Variants in IST1 observed in about 807,000 individuals in gnomAD.
IST1 encodes IST1 factor associated with ESCRT-III.
IST1 carries 23 observed loss-of-function variants against 37.0 expected under a neutral mutation model. The ratio of observed to expected loss-of-function variants is 0.62; its 90% confidence interval spans 0.45 to 0.88. The LOEUF is 0.88. Among genes scored for constraint, IST1 ranks in the 40% least tolerant of loss-of-function variants. IST1 has a pLI of 0.00. For missense variants in IST1, 488 were observed against 445.4 expected, an observed-to-expected ratio of 1.10 and a Z score of -0.86; for synonymous variants, 180 against 161.7, an observed-to-expected ratio of 1.11 and a Z score of -0.86.
At chr16:71,917,818 T>C (rs902080187) in intron 4 of IST1, among the ~76,000 whole-genome samples, 1 of 152,232 alleles carries the variant, frequency 6.6e-6, no homozygotes, top group African/African-American at 2.4e-5. Context: ...ATGGTTTGTT[T>C]CATGGCTACA....
chr16:71,915,405 A>G (rs1218684676), intron 1 of IST1, among the ~76,000 whole-genome samples: 3 of 152,210 alleles, frequency 2.0e-5, no homozygotes, highest in Non-Finnish European at 4.4e-5. Context: ...GATGATAATA[A>G]TAGCCTTCCC....
intron 1 of IST1, among the ~76,000 whole-genome samples, chr16:71,899,827 T>C (rs1037034727): frequency 6.6e-6 from 1 of 151,448 alleles, no homozygotes; most frequent in African/African-American, 2.4e-5. Flanking sequence ...ATCGAGACCA[T>C]CCTGGCTAAC....
chr16:71,918,505 C>T lies in IST1; in HGVS notation c.357+1371C>T, dbSNP rs1381260624. ...AATTTTGGCTCACTGCAACCTCTGC[C>T]TCCTGGGTTGAAGCGATTCTTTTGC... On this transcript the variant is annotated intron_variant, in intron 4 of 9. Transcript: ENST00000378799. Among the ~76,000 whole-genome samples the T allele has an allele frequency of 1.3e-5, 2 of 150,768 alleles. 1 individual carries two copies. The highest frequency in any genetic ancestry group is 3.9e-4 in the East Asian group (2 of 5,116).
Position 71,929,367 on chromosome 16 carries a change from T to A in IST1, c.*1554T>A. The A allele has an allele frequency of 1.6e-6, 1 of 618,666 alleles. No homozygotes were observed. Among genetic ancestry groups the A allele is most frequent in the East Asian group, 3.0e-5 (1 of 32,974 alleles). 38.3% of individuals were successfully genotyped at this position (618,666 alleles called of 1,614,324 possible). On this transcript the variant is annotated 3_prime_UTR_variant, in exon 10 of 10. Transcript: ENST00000378799. Reference sequence around the variant, plus strand: ...AGTTTGTCTCGTAGTATTCTTGCATTGTTAATCCTATCTTGACAGTGCCAA... The same window carrying A: ...AGTTTGTCTCGTAGTATTCTTGCATAGTTAATCCTATCTTGACAGTGCCAA...
intron 9 of IST1, among the ~76,000 whole-genome samples, chr16:71,925,977 GGAAGAATACT>G (rs1027455417): frequency 1.8e-4 from 28 of 151,552 alleles, no homozygotes; most frequent in African/African-American, 6.5e-4. Context: ...AAAACCAGAG[GGAAGAATACT>G]TTTAAAATTA....
At chr16:71,912,431 G>T (rs1043362784) in intron 1 of IST1, among the ~76,000 whole-genome samples, 2 of 152,048 alleles carry the variant, frequency 1.3e-5, no homozygotes, top group Non-Finnish European at 2.9e-5. Context: ...TGGAGACGGG[G>T]TTTCACCGTG....
intron 1 of IST1, among the ~76,000 whole-genome samples, chr16:71,897,547 T>C (rs1006428064): frequency 6.6e-6 from 1 of 152,174 alleles, no homozygotes; most frequent in Non-Finnish European, 1.5e-5. Context: ...GTAGTATAGT[T>C]AGTCATTCCA....
chr16:71,916,274 T>C (rs555666416), intron 2 of IST1, among the ~76,000 whole-genome samples, 188 bp from the exon 3 acceptor site: 4 of 152,218 alleles, frequency 2.6e-5, no homozygotes, highest in African/African-American at 4.8e-5. Flanking sequence ...TCAAGCCACA[T>C]GAGCTATATT....
At position 71,905,007 on chromosome 16, in the gene IST1, T is replaced by A. The variant is rs554279555; in HGVS notation, c.-16+9418T>A. ...CATATTTTTAAATTCCATTAAAAAA[T>A]TTTTTTTTTGCTTTTTTTGTGTAGT... On this transcript the variant is annotated intron_variant, in intron 1 of 9. Transcript: ENST00000378799. Among the ~76,000 whole-genome samples, 227 of 150,590 alleles carry A rather than the reference T, an allele frequency of 1.5e-3. 2 individuals are homozygous for A. Among genetic ancestry groups the A allele is most frequent in the South Asian group, 6.3e-3 (30 of 4,780 alleles).
chr16:71,905,058 T>TG (rs1278432899), intron 1 of IST1, among the ~76,000 whole-genome samples: 4 of 152,024 alleles, frequency 2.6e-5, no homozygotes, highest in Non-Finnish European at 2.9e-5. Flanking sequence ...TTTTTTGAGA[T>TG]GGAGTCTCAC....
chr16:71,898,530 A>G (rs1368646102), intron 1 of IST1, among the ~76,000 whole-genome samples: 1 of 151,852 alleles, frequency 6.6e-6, no homozygotes, highest in African/African-American at 2.4e-5. Flanking sequence ...CTGTAAATAC[A>G]AAAATTAGTT....
chr16:71,923,475 A>C (rs1008121503), intron 8 of IST1, 95 bp downstream of exon 8: 5 of 671,474 alleles, frequency 7.4e-6, no homozygotes, highest in Admixed American at 2.6e-5. Context: ...GTTTTGATCA[A>C]CTCCTAGTAC....
chr16:71,918,676 A>G (rs910696786), intron 4 of IST1, among the ~76,000 whole-genome samples: 2 of 152,174 alleles, frequency 1.3e-5, no homozygotes, highest in African/African-American at 4.8e-5. Flanking sequence ...TCGGCCTCCC[A>G]AAGTGTTGGG....
intron 8 of IST1, chr16:71,924,386 T>A (rs943228368): frequency 1.6e-4 from 60 of 379,374 alleles, no homozygotes; most frequent in African/African-American, 1.2e-3. Flanking sequence ...TAGGCAGGCG[T>A]TCGAGACCAG....
intron 7 of IST1, 136 bp from the exon 8 acceptor site, chr16:71,923,152 A>AT: frequency 2.0e-6 from 1 of 504,582 alleles, no homozygotes; most frequent in Non-Finnish European, 3.5e-6. Context: ...CCTTTTGGGC[A>AT]TTTTTAAGGA....
intron 8 of IST1, 196 bp from the exon 9 acceptor site, chr16:71,924,573 A>G: frequency 1.7e-6 from 1 of 603,704 alleles, no homozygotes; most frequent in South Asian, 2.0e-5. Context: ...CCTGGGTGAC[A>G]GGAGACCCTG....
chr16:71,903,471 G>A (rs2037154153), intron 1 of IST1: 1 of 152,024 alleles, frequency 6.6e-6, no homozygotes, highest in Non-Finnish European at 1.5e-5. Flanking sequence ...ATTCCCAAAT[G>A]TTAAGAGATT....
intron 9 of IST1, 39 bp from the exon 10 acceptor site, chr16:71,927,575 C>A: frequency 7.2e-7 from 1 of 1,388,844 alleles, no homozygotes; most frequent in Non-Finnish European, 1.0e-6. Context: ...TGAGTCATTT[C>A]TCTGGTATTT....
chr16:71,922,172 T>G (rs1035750167), intron 6 of IST1, among the ~76,000 whole-genome samples: 1 of 151,276 alleles, frequency 6.6e-6, no homozygotes, highest in Non-Finnish European at 1.5e-5. Flanking sequence ...TTAAGGTCAG[T>G]GGGGTGTGGT....
Sources: allele counts gnomAD v4.1 joint callset (sites outside exome capture counted in the v4.1 genomes callset), GRCh38; gene constraint gnomAD v4.1.1; transcripts MANE v1.5; gene names NCBI Gene and HGNC (gene_info 2026-07-23, HGNC 2026-07-21).